EVL: variants seen among roughly 807,000 people sequenced by gnomAD.
EVL encodes the protein ena/VASP-like protein.
In EVL, 21 loss-of-function variants were observed where a neutral mutation model predicts 59.6. The ratio of observed to expected loss-of-function variants is 0.35; its 90% confidence interval spans 0.25 to 0.51. The LOEUF is 0.51. Among genes scored for constraint, EVL ranks in the 20% least tolerant of loss-of-function variants. EVL has a pLI of 0.97. For synonymous variants in EVL, 198 were observed against 203.5 expected, an observed-to-expected ratio of 0.97 and a Z score of 0.23; for missense variants, 462 against 546.6, an observed-to-expected ratio of 0.85 and a Z score of 1.54.
At chr14:99,996,660 CT>C (rs1456147440) in intron 1 of EVL, among the ~76,000 whole-genome samples, 1 of 151,164 alleles carries the variant, frequency 6.6e-6, no homozygotes, top group Non-Finnish European at 1.5e-5. Flanking sequence ...CCCCTTCCCC[CT>C]TTTTTTTTGA....
rs3072366 is a variant in EVL, at chr14:99,986,290, C to CAAAAA, written c.5+14251_5+14255dup. Among the ~76,000 whole-genome samples the CAAAAA allele has an allele frequency of 3.8e-4, 30 of 78,448 alleles. No individual in the cohort carries two copies. The East Asian group carries it at 8.9e-3, about 23-fold the overall frequency. 51.5% of individuals were successfully genotyped at this position (78,448 alleles called of 152,430 possible). On this transcript the variant is annotated intron_variant, in intron 1 of 13. Transcript: ENST00000402714. ...CTGGGTGACAGAGTGGACTCTGTCT[C>CAAAAA]AAAAAAAAAAAAAAAAAAAAAATCA... is the stretch of plus-strand genomic sequence containing the variant.
intron 3 of EVL, among the ~76,000 whole-genome samples, chr14:100,123,308 T>A (rs1322707011): frequency 6.6e-6 from 1 of 152,124 alleles, no homozygotes; most frequent in African/African-American, 2.4e-5. Context: ...CATGTGAAAG[T>A]TTGGGTCTCA....
At chr14:100,102,555 A>G (rs1214774126) in intron 3 of EVL, 2 of 353,840 alleles carry the variant, frequency 5.7e-6, no homozygotes, top group East Asian at 7.7e-5. Flanking sequence ...TGGGTCACAG[A>G]TTCCTTGGCT....
intron 3 of EVL, among the ~76,000 whole-genome samples, chr14:100,101,737 A>G (rs1886236416): frequency 6.6e-6 from 1 of 152,248 alleles, no homozygotes. Context: ...TGTCCAGCAC[A>G]AGACAGTTGC....
chr14:100,048,195 G>A (rs1279747597), intron 1 of EVL, among the ~76,000 whole-genome samples: 1 of 152,126 alleles, frequency 6.6e-6, no homozygotes, highest in Non-Finnish European at 1.5e-5. Context: ...ATTCTGTGAA[G>A]GATACTTTTA....
intron 2 of EVL, among the ~76,000 whole-genome samples, chr14:100,097,224 C>A (rs530803863): frequency 1.3e-5 from 2 of 152,328 alleles, no homozygotes; most frequent in African/African-American, 4.8e-5. Context: ...AGGGAACCTG[C>A]CTCCCAGCTC....
chr14:100,131,225 T>G (rs1280405135), intron 7 of EVL, among the ~76,000 whole-genome samples: 1 of 152,168 alleles, frequency 6.6e-6, no homozygotes, highest in Non-Finnish European at 1.5e-5. Context: ...ATGCTTTCCC[T>G]AAGTCCTAGA....
At chr14:100,119,201 T>C (rs896372226) in intron 3 of EVL, among the ~76,000 whole-genome samples, 1 of 152,276 alleles carries the variant, frequency 6.6e-6, no homozygotes, top group Non-Finnish European at 1.5e-5. Flanking sequence ...TTCTTTTATT[T>C]TTCCTTTTTT....
intron 1 of EVL, among the ~76,000 whole-genome samples, chr14:100,050,760 T>TG (rs397756427): frequency 1.3e-5 from 2 of 150,448 alleles, no homozygotes; most frequent in Non-Finnish European, 3.0e-5. Flanking sequence ...TTTTTTTTTT[T>TG]GAGATTGGGT....
chr14:100,010,505 C>A (rs543410674), intron 1 of EVL, among the ~76,000 whole-genome samples: 1 of 152,316 alleles, frequency 6.6e-6, no homozygotes, highest in Admixed American at 6.5e-5. Context: ...CCACAATTCT[C>A]CTACCTCAGC....
At chr14:100,077,763 C>T (rs2062195288) in intron 1 of EVL, among the ~76,000 whole-genome samples, 1 of 152,114 alleles carries the variant, frequency 6.6e-6, no homozygotes. Flanking sequence ...ACAGTGCATA[C>T]AGTTTTTTTG....
At chr14:100,092,688 T>C (rs1467795611) in intron 2 of EVL, among the ~76,000 whole-genome samples, 3 of 152,124 alleles carry the variant, frequency 2.0e-5, no homozygotes, top group African/African-American at 7.2e-5. Context: ...TGAGCTGAGA[T>C]TGTGCCATTA....
In EVL at chr14:100,132,756, A is replaced by G; in HGVS notation, c.877A>G (p.Lys293Glu). 6.2e-7 allele frequency: 1 copy of G among 1,614,064 alleles called. No homozygotes were observed. Among genetic ancestry groups the G allele is most frequent in the South Asian group, 1.1e-5 (1 of 91,072 alleles). Reference protein sequence around the residue: ...AASQSDKPAEKKEDESQMEDP... With the variant: ...AASQSDKPAEEKEDESQMEDP... ...CTCCCAGTCAGACAAGCCAGCCGAGAAGAAGGAAGATGAAAGCCAAATGGT... is the reference window on the plus strand; with the variant it reads ...CTCCCAGTCAGACAAGCCAGCCGAGGAGAAGGAAGATGAAAGCCAAATGGT... Residue 293 changes from lysine to glutamate, a missense_variant, in exon 8 of 14, where the codon AAG (lysine) becomes GAG (glutamate). Lys to Glu is a moderately conservative substitution (Grantham distance 56, BLOSUM62 1). Transcript: ENST00000392920.
chr14:100,023,568 C>A (rs1218966492), intron 1 of EVL, among the ~76,000 whole-genome samples: 2 of 151,704 alleles, frequency 1.3e-5, no homozygotes, highest in African/African-American at 2.4e-5. Flanking sequence ...CTCAGGTGAT[C>A]CCCCTGCCTC....
chr14:100,045,284 T>C (rs1441237014), intron 1 of EVL, among the ~76,000 whole-genome samples: 3 of 152,226 alleles, frequency 2.0e-5, no homozygotes, highest in African/African-American at 7.2e-5. Flanking sequence ...TGGTCATCTT[T>C]TTAAGTTTCC....
intron 1 of EVL, among the ~76,000 whole-genome samples, chr14:99,995,660 C>T (rs1269390664): frequency 6.6e-6 from 1 of 151,948 alleles, no homozygotes; most frequent in Non-Finnish European, 1.5e-5. Context: ...TCTTTGTATA[C>T]CTTATTATCT....
In EVL at chr14:100,125,161, G is replaced by T. The variant is rs1230082054; in HGVS notation, c.423-1546G>T. Among the ~76,000 whole-genome samples, 4 of 85,740 alleles carry T rather than the reference G, an allele frequency of 4.7e-5. No homozygotes were observed. In the East Asian group the frequency reaches 1.4e-3, roughly 29 times the overall value. The allele number at this position is 85,740 out of a possible 152,430, so 56.2% of individuals were successfully genotyped here. A position where few individuals can be genotyped will look rare whatever the true frequency, so the allele number is the denominator to read the frequency against. ...ACACACACACACACACCTGCCCCAAGGCAGGAATACACACACACACACACA... is the reference window on the plus strand; with the variant it reads ...ACACACACACACACACCTGCCCCAATGCAGGAATACACACACACACACACA... On this transcript the variant is annotated intron_variant, in intron 4 of 13. Coordinates refer to ENST00000392920, the MANE Select transcript of EVL (RefSeq NM_016337.3).
Position 100,130,688 on chromosome 14 carries a change from A to C in EVL, c.839+1004A>C, listed in dbSNP as rs960981880. 4.6e-5 allele frequency among the ~76,000 whole-genome samples: 7 copies of C among 152,238 alleles called. No individual in the cohort carries two copies. Among genetic ancestry groups the C allele is most frequent in the Non-Finnish European group, 7.3e-5 (5 of 68,044 alleles). On this transcript the variant is annotated intron_variant, in intron 7 of 13. Transcript: ENST00000392920. The surrounding 1 kb of genome is among the most constrained non-coding windows in gnomAD (Gnocchi z 4.8). ...CGAGATGACAGAGGCCCACAGCTGC[A>C]GGCAGCTGGTGTGGCGCTTCATGGC...
At chr14:100,072,761 C>G (rs1294928033) in intron 1 of EVL, among the ~76,000 whole-genome samples, 1 of 152,132 alleles carries the variant, frequency 6.6e-6, no homozygotes, top group Non-Finnish European at 1.5e-5. Context: ...AAGAGTGTCC[C>G]TTACATGTTC....
Sources: allele counts gnomAD v4.1 joint callset (sites outside exome capture counted in the v4.1 genomes callset), GRCh38; gene constraint gnomAD v4.1.1; non-coding constraint Gnocchi (gnomAD v3.1); transcripts MANE v1.5; gene names NCBI Gene and HGNC (gene_info 2026-07-23, HGNC 2026-07-21).